Variants in C13orf46 observed in about 807,000 individuals in gnomAD.
The protein encoded by C13orf46 is chromosome 13 open reading frame 46.
chr13:113,953,581 G>C (rs1469915212), downstream of C13orf46: 1 of 152,260 alleles, frequency 6.6e-6, no homozygotes, highest in African/African-American at 2.4e-5. Flanking sequence ...CATTCTAACA[G>C]CTAAGCCACT....
chr13:113,959,742 G>A (rs1005854173), intron 6 of C13orf46, among the ~76,000 whole-genome samples: 3 of 152,352 alleles, frequency 2.0e-5, no homozygotes, highest in South Asian at 4.1e-4. Flanking sequence ...TGCGATGATA[G>A]AGTTAACATG....
At chr13:113,952,611 C>T (rs928889606), downstream of C13orf46, among the ~76,000 whole-genome samples, 3 of 152,216 alleles carry the variant, frequency 2.0e-5, no homozygotes, top group Admixed American at 6.5e-5. Flanking sequence ...GGGGCCACCA[C>T]CCCAGGACCA....
At chr13:113,928,998 C>T in the C13orf46 span, among the ~76,000 whole-genome samples, 2 of 152,214 alleles carry the variant, frequency 1.3e-5, no homozygotes, top group Non-Finnish European at 2.9e-5. Context: ...CTGCACTGGC[C>T]GGAACCAATG....
At chr13:113,946,373 C>G in the C13orf46 span, among the ~76,000 whole-genome samples, 1 of 152,226 alleles carries the variant, frequency 6.6e-6, no homozygotes, top group East Asian at 1.9e-4. Flanking sequence ...GACCAGTCCC[C>G]CTCTGTGGTG....
downstream of C13orf46, among the ~76,000 whole-genome samples, chr13:113,952,906 C>A (rs902381723): frequency 6.6e-6 from 1 of 152,230 alleles, no homozygotes; most frequent in African/African-American, 2.4e-5. Flanking sequence ...AGGCAGCCCC[C>A]GGCCTCAGCA....
At chr13:113,967,983 G>A (rs2052666593) in intron 4 of C13orf46, among the ~76,000 whole-genome samples, 1 of 152,346 alleles carries the variant, frequency 6.6e-6, no homozygotes, top group South Asian at 2.1e-4. Context: ...CTGGGGGTGG[G>A]TGAAGGACTT....
chr13:113,949,657 C>T (rs1175345142), downstream of C13orf46, among the ~76,000 whole-genome samples: 1 of 152,224 alleles, frequency 6.6e-6, no homozygotes, highest in African/African-American at 2.4e-5. Context: ...AGTGTCAGGC[C>T]CTCACACCCG....
the C13orf46 span, among the ~76,000 whole-genome samples, chr13:113,941,885 G>A: frequency 1.4e-4 from 22 of 152,310 alleles, no homozygotes; most frequent in South Asian, 3.9e-3. Context: ...TACTCTCACC[G>A]CCTTCCTCTC....
At chr13:113,952,123 C>T (rs1024694977), downstream of C13orf46, among the ~76,000 whole-genome samples, 1 of 152,242 alleles carries the variant, frequency 6.6e-6, no homozygotes, top group African/African-American at 2.4e-5. Flanking sequence ...TGAAAACACA[C>T]AGAACACTTG....
chr13:113,962,762 T>C (rs1257768062), intron 6 of C13orf46, among the ~76,000 whole-genome samples: 4 of 152,118 alleles, frequency 2.6e-5, no homozygotes, highest in African/African-American at 9.7e-5. Flanking sequence ...TTGTCCAGCT[T>C]GGGGCAGAAA....
intron 6 of C13orf46, among the ~76,000 whole-genome samples, chr13:113,960,941 T>A (rs1171842280): frequency 6.6e-6 from 1 of 152,230 alleles, no homozygotes; most frequent in Non-Finnish European, 1.5e-5. Flanking sequence ...TTCTCCTTTA[T>A]CTTTATTAGA....
chr13:113,929,751 C>G, the C13orf46 span, among the ~76,000 whole-genome samples: 1 of 152,224 alleles, frequency 6.6e-6, no homozygotes, highest in Admixed American at 6.5e-5. Context: ...CCTGGGCAAC[C>G]CGCTGCCAGT....
At chr13:113,933,324 G>T in the C13orf46 span, among the ~76,000 whole-genome samples, 1 of 152,206 alleles carries the variant, frequency 6.6e-6, no homozygotes, top group South Asian at 2.1e-4. Context: ...AAGTCAATTG[G>T]CCATAAATGA....
chr13:113,948,102 T>A, the C13orf46 span, among the ~76,000 whole-genome samples: 3 of 152,218 alleles, frequency 2.0e-5, no homozygotes, highest in Non-Finnish European at 4.4e-5. Context: ...GGTGTGGAGT[T>A]CTCAAAAACC....
the C13orf46 span, among the ~76,000 whole-genome samples, chr13:113,946,941 C>T: frequency 2.6e-5 from 4 of 152,256 alleles, no homozygotes; most frequent in African/African-American, 4.8e-5. Flanking sequence ...TGGGGCCGAC[C>T]GGCAGGTGCG....
chr13:113,945,515 G>T, the C13orf46 span, among the ~76,000 whole-genome samples: 1 of 150,588 alleles, frequency 6.6e-6, no homozygotes, highest in Non-Finnish European at 1.5e-5. Context: ...ACTGCACTCA[G>T]CCTGGGCGAC....
In C13orf46 at chr13:113,970,949, T is replaced by C. The variant is rs187437027; in HGVS notation, c.191-727A>G. ...TCCCTGGCACACTTGGCTAAAGGTGTTGACTGACTTGGCCAACGTGAAACA... is the reference window on the plus strand; with the variant it reads ...TCCCTGGCACACTTGGCTAAAGGTGCTGACTGACTTGGCCAACGTGAAACA... On this transcript the variant is annotated intron_variant, in intron 1 of 6. Coordinates refer to ENST00000636427, the MANE Select transcript of C13orf46 (RefSeq NM_001365455.2). 3.1e-3 allele frequency among the ~76,000 whole-genome samples: 468 copies of C among 152,260 alleles called. 3 individuals are homozygous for C. The highest frequency in any genetic ancestry group is 4.9e-3 in the Admixed American group (75 of 15,300).
intron 6 of C13orf46, among the ~76,000 whole-genome samples, chr13:113,957,151 C>T (rs1428130089): frequency 2.7e-5 from 4 of 147,710 alleles, no homozygotes; most frequent in East Asian, 2.0e-4. Flanking sequence ...GGGGTCTCCC[C>T]GCACCTCTGC....
At chr13:113,940,045 A>T in the C13orf46 span, among the ~76,000 whole-genome samples, 1 of 152,196 alleles carries the variant, frequency 6.6e-6, no homozygotes. Flanking sequence ...CAGGGGAGGC[A>T]TTCGGGCCAC....
Sources: allele counts gnomAD v4.1 joint callset (sites outside exome capture counted in the v4.1 genomes callset), GRCh38; gene constraint gnomAD v4.1.1; transcripts MANE v1.5; gene names NCBI Gene and HGNC (gene_info 2026-07-23, HGNC 2026-07-21).